The following APOL4 variants were observed in gnomAD, a reference collection of about 807,000 sequenced individuals.
APOL4 encodes the protein apolipoprotein L, 4.
A neutral mutation model predicts 12.1 loss-of-function variants in APOL4; 14 were observed. That is an observed-to-expected ratio of 1.16 (90% CI 0.76 to 1.81). APOL4 has a LOEUF of 1.81. Ranked by LOEUF, APOL4 falls within the 40% of genes most tolerant of loss-of-function variation. The pLI, the probability that APOL4 is intolerant of heterozygous loss-of-function variation, is 0.00. For synonymous variants in APOL4, 171 were observed against 160.6 expected (o/e 1.06, Z -0.49); for missense variants, 432 against 423.1 (o/e 1.02, Z -0.18).
At position 36,191,747 on chromosome 22, in the gene APOL4, G is replaced by C. The variant is rs944667155; in HGVS notation, c.375C>G (p.Val125=). The C allele has an allele frequency of 3.7e-6, 6 of 1,613,918 alleles. No homozygotes were observed. The highest frequency in any genetic ancestry group is 1.6e-4 in the Middle Eastern group (1 of 6,084). Residue 125 remains valine, a synonymous_variant, in exon 4 of 4, where the codon GTC becomes GTG. Coordinates refer to ENST00000683024, the MANE Select transcript of APOL4 (RefSeq NM_001386885.1). ...GGACCTTTTCAATCTCATTTGCAAT[G>C]ACACGAAGCCTTTCTATGGACTCCT... ...KIQESIERLR[V]IANEIEKVHR... is the part of the protein sequence containing the mutation.
chr22:36,201,590 G>T, intron 1 of APOL4, 110 bp downstream of exon 1: 2 of 1,131,894 alleles, frequency 1.8e-6, no homozygotes, highest in South Asian at 1.5e-5. Flanking sequence ...TGTTCACTGT[G>T]TGACCCCCTA....
intron 3 of APOL4, among the ~76,000 whole-genome samples, chr22:36,193,318 C>T (rs938483156): frequency 6.6e-6 from 1 of 152,170 alleles, no homozygotes; most frequent in Non-Finnish European, 1.5e-5. Context: ...AACAACAATC[C>T]TGAATAAAGG....
chr22:36,191,058 T>G lies in APOL4; in HGVS notation c.*17A>C, dbSNP rs1281185644. 5.7e-6 allele frequency: 9 copies of G among 1,566,658 alleles called. No individual in the cohort carries two copies. Among genetic ancestry groups the G allele is most frequent in the African/African-American group, 1.4e-5 (1 of 73,652 alleles). On this transcript the variant is annotated 3_prime_UTR_variant, in exon 4 of 4. Coordinates refer to ENST00000683024, the MANE Select transcript of APOL4 (RefSeq NM_001386885.1). ...GTCCCTCCGTTTGGGGTCCCTGACT[T>G]CCCGCAACAATTGGGCCTAGCCTGC...
upstream of APOL4, chr22:36,204,679 G>C (rs1420077553): frequency 1.4e-6 from 1 of 739,358 alleles, no homozygotes; most frequent in East Asian, 4.1e-5. Flanking sequence ...GGTCTGAGCT[G>C]TGTGGATCTC....
rs1157475715 is a variant in APOL4, at chr22:36,190,195, G to C, written c.*880C>G. The stretch of plus-strand genomic sequence containing the variant: ...GTTTTTATTAGGGACTTTCAAAAGG[G>C]GAGGGAGTGTATGAATAGGGTGTGG... On this transcript the variant is annotated 3_prime_UTR_variant, in exon 4 of 4. Coordinates refer to ENST00000683024, the MANE Select transcript of APOL4 (RefSeq NM_001386885.1). 7.9e-6 allele frequency: 1 copy of C among 127,204 alleles called. No individual in the cohort carries two copies. Among genetic ancestry groups the C allele is most frequent in the South Asian group, 2.6e-4 (1 of 3,852 alleles). 7.9% of individuals were successfully genotyped at this position (127,204 alleles called of 1,614,324 possible).
At chr22:36,197,392 G>GT in intron 2 of APOL4, 2 of 450,162 alleles carry the variant, frequency 4.4e-6, no homozygotes, top group Non-Finnish European at 3.7e-6. Context: ...GGATTGTCTT[G>GT]TTTTTTCTTT....
rs769626300 is a variant in APOL4, at chr22:36,191,922, T to A, written c.210-10A>T. ...AGCATCTGCCTCTTCCCTGTACCAA[T>A]AAAGGACAGATGATTAAGAAAGGCA... is the stretch of plus-strand genomic sequence containing the variant. On this transcript the variant is annotated splice_polypyrimidine_tract_variant and intron_variant, in intron 3 of 3. Coordinates refer to ENST00000683024, the MANE Select transcript of APOL4 (RefSeq NM_001386885.1). 8 of 1,567,718 alleles carry A rather than the reference T, an allele frequency of 5.1e-6. No individual in the cohort carries two copies. Among genetic ancestry groups the A allele is most frequent in the Middle Eastern group, 3.4e-4 (2 of 5,906 alleles).
chr22:36,191,696 C>T lies in APOL4; in HGVS notation c.426G>A (p.Val142=). 6.2e-7 allele frequency: 1 copy of T among 1,614,050 alleles called. No individual in the cohort carries two copies. Among genetic ancestry groups the T allele is most frequent in the Non-Finnish European group, 8.5e-7 (1 of 1,179,904 alleles). ...ACAGGATGCCAGTGGAGCCAGACACCACATTGGCGATGACGCAGCCTCTGT... is the reference window on the plus strand; with the variant it reads ...ACAGGATGCCAGTGGAGCCAGACACTACATTGGCGATGACGCAGCCTCTGT... ...KVHRGCVIAN[V]VSGSTGILSV... The change falls in exon 4 of 4, where the codon GTG becomes GTA. Residue 142 remains valine (V), a synonymous_variant. Transcript: ENST00000683024.
Position 36,191,875 on chromosome 22 carries a change from G to C in APOL4, c.247C>G (p.Leu83Val). Residue 83 changes from leucine to valine, a missense_variant, in exon 4 of 4, where the codon CTT becomes GTT. Leu to Val is a conservative substitution (Grantham distance 32, BLOSUM62 1). Transcript: ENST00000683024. ...TCCTCAATAGCCACATATGGTGTAA[G>C]ATTCTTCAGAGCTTCATAGAGAGCA... ...ADALYEALKNLTPYVAIEDKD... is the reference protein window; with the variant it reads ...ADALYEALKNVTPYVAIEDKD... The C allele has an allele frequency of 6.2e-7, 1 of 1,609,710 alleles. No homozygotes were observed. The highest frequency in any genetic ancestry group is 1.1e-5 in the South Asian group (1 of 90,920).
Position 36,199,329 on chromosome 22 carries a change from C to T in APOL4, c.82+1G>A. The T allele has an allele frequency of 6.2e-7, 1 of 1,614,086 alleles. No homozygotes were observed. Among genetic ancestry groups the T allele is most frequent in the Non-Finnish European group, 8.5e-7 (1 of 1,179,922 alleles). Reference sequence around the variant, plus strand: ...AGCAGCCAGGTCTCTGAAAGGCTTACCTTGGAACTGTCCAGCCACTGTCCA... The same window carrying T: ...AGCAGCCAGGTCTCTGAAAGGCTTATCTTGGAACTGTCCAGCCACTGTCCA... On this transcript the variant is annotated splice_donor_variant, in intron 2 of 3. Coordinates refer to ENST00000683024, the MANE Select transcript of APOL4 (RefSeq NM_001386885.1). LOFTEE classifies it high-confidence loss of function.
At chr22:36,200,425 C>A (rs1395097448) in intron 1 of APOL4, among the ~76,000 whole-genome samples, 1 of 152,194 alleles carries the variant, frequency 6.6e-6, no homozygotes, top group Non-Finnish European at 1.5e-5. Flanking sequence ...CAGCCTGTGT[C>A]CCCCTTGCTT....
At chr22:36,200,755 C>T (rs1041044349) in intron 1 of APOL4, among the ~76,000 whole-genome samples, 1 of 152,248 alleles carries the variant, frequency 6.6e-6, no homozygotes, top group African/African-American at 2.4e-5. Flanking sequence ...CACACTCAAA[C>T]TAGCAGTATA....
upstream of APOL4, among the ~76,000 whole-genome samples, chr22:36,203,633 C>T (rs1024747579): frequency 1.3e-5 from 2 of 152,136 alleles, no homozygotes; most frequent in African/African-American, 2.4e-5. Flanking sequence ...GCTAGATAAC[C>T]GGTTAGACTA....
rs764421815 is a variant in APOL4, at chr22:36,191,066, C to T, written c.*9G>A. The T allele has an allele frequency of 5.1e-6, 8 of 1,578,782 alleles. No individual in the cohort carries two copies. In the Admixed American group the frequency reaches 1.4e-4, roughly 29 times the overall value. On this transcript the variant is annotated 3_prime_UTR_variant, in exon 4 of 4. Transcript: ENST00000683024. ...GTTTGGGGTCCCTGACTTCCCGCAA[C>T]AATTGGGCCTAGCCTGCTTTTAGAC... is the stretch of plus-strand genomic sequence containing the variant.
rs553041030 is a variant in APOL4 at position 36,197,437 on chromosome 22, G to C, written c.82+1893C>G. 6 of 619,178 alleles carry C rather than the reference G, an allele frequency of 9.7e-6. No individual in the cohort carries two copies. In the South Asian group the frequency reaches 2.7e-4, roughly 28 times the overall value. The allele number at this position is 619,178 out of a possible 1,614,324, so 38.4% of individuals were successfully genotyped here. A position where few individuals can be genotyped will look rare whatever the true frequency, so the allele number is the denominator to read the frequency against. ...CACCAAAAGGAGGAAGGAAACTCAGGGTTGGATGGAGGGAACCTCCAGCAC... is the reference window on the plus strand; with the variant it reads ...CACCAAAAGGAGGAAGGAAACTCAGCGTTGGATGGAGGGAACCTCCAGCAC... On this transcript the variant is annotated intron_variant, in intron 2 of 3. Transcript: ENST00000683024.
intron 3 of APOL4, among the ~76,000 whole-genome samples, chr22:36,193,895 A>G (rs1307677227): frequency 6.6e-6 from 1 of 152,168 alleles, no homozygotes; most frequent in Admixed American, 6.5e-5. Flanking sequence ...TGGCACCTCC[A>G]AACTTCAGGG....
intron 3 of APOL4, among the ~76,000 whole-genome samples, chr22:36,192,217 G>A (rs941406339): frequency 1.3e-5 from 2 of 152,134 alleles, no homozygotes; most frequent in African/African-American, 4.8e-5. Flanking sequence ...GTGAGTGCCT[G>A]TAGTCCCAGC....
chr22:36,203,469 G>T (rs2014642856), upstream of APOL4, among the ~76,000 whole-genome samples: 1 of 152,130 alleles, frequency 6.6e-6, no homozygotes, highest in Non-Finnish European at 1.5e-5. Flanking sequence ...ACAGAGATAA[G>T]AATTTACAAT....
At chr22:36,198,675 C>T (rs2014482414) in intron 2 of APOL4, among the ~76,000 whole-genome samples, 1 of 152,210 alleles carries the variant, frequency 6.6e-6, no homozygotes, top group Non-Finnish European at 1.5e-5. Context: ...CAGGCACTGG[C>T]TGGCCCAGGT....
Sources: allele counts gnomAD v4.1 joint callset (sites outside exome capture counted in the v4.1 genomes callset), GRCh38; gene constraint gnomAD v4.1.1; transcripts MANE v1.5; gene names NCBI Gene and HGNC (gene_info 2026-07-23, HGNC 2026-07-21).